The following IQSEC1 variants were observed in gnomAD, a reference collection of about 807,000 sequenced individuals.
IQSEC1 encodes IQ motif and Sec7 domain ArfGEF 1.
In IQSEC1, 31 loss-of-function variants were observed where a neutral mutation model predicts 91.0. That is an observed-to-expected ratio of 0.34 (90% CI 0.26 to 0.46). The LOEUF (loss-of-function observed/expected upper bound fraction) is 0.46. Ranked by LOEUF, IQSEC1 falls within the 20% of genes least tolerant of loss-of-function variation. IQSEC1 has a pLI of 1.00. For synonymous variants in IQSEC1, 699 were observed against 662.6 expected (o/e 1.05, Z -0.84); for missense variants, 1,388 against 1,575.6 (o/e 0.88, Z 2.02).
intron 2 of IQSEC1, among the ~76,000 whole-genome samples, chr3:13,155,682 C>T (rs1479117980): frequency 6.6e-6 from 1 of 152,134 alleles, no homozygotes; most frequent in Non-Finnish European, 1.5e-5. Context: ...AAACAACACA[C>T]TAATACCTCT....
intron 1 of IQSEC1, among the ~76,000 whole-genome samples, chr3:13,201,533 G>A (rs1379845289): frequency 6.6e-6 from 1 of 152,148 alleles, no homozygotes; most frequent in Non-Finnish European, 1.5e-5. Flanking sequence ...TGGTAGAGAT[G>A]AGGTCTTGCT....
chr3:12,980,712 G>A (rs952072107), intron 1 of IQSEC1, among the ~76,000 whole-genome samples: 4 of 152,116 alleles, frequency 2.6e-5, no homozygotes, highest in Non-Finnish European at 4.4e-5. Flanking sequence ...TCACTTCCTC[G>A]AGGCCCTTTC....
At chr3:13,001,923 G>A (rs1325997055) in intron 1 of IQSEC1, among the ~76,000 whole-genome samples, 1 of 152,140 alleles carries the variant, frequency 6.6e-6, no homozygotes, top group Non-Finnish European at 1.5e-5. Flanking sequence ...GCCAGGCGTG[G>A]TGGTGTGCAC....
chr3:13,077,569 C>T (rs1291240212), upstream of IQSEC1, among the ~76,000 whole-genome samples: 1 of 152,238 alleles, frequency 6.6e-6, no homozygotes, highest in Non-Finnish European at 1.5e-5. Context: ...GCTGAGTTCC[C>T]AAATCACAGG....
chr3:13,057,366 C>G (rs1481108390), intron 1 of IQSEC1, among the ~76,000 whole-genome samples: 1 of 152,214 alleles, frequency 6.6e-6, no homozygotes, highest in South Asian at 2.1e-4. Context: ...AATCTTGGCC[C>G]TGTAGACTTT....
At chr3:13,261,252 G>A (rs763835678) in intron 1 of IQSEC1, among the ~76,000 whole-genome samples, 1 of 152,124 alleles carries the variant, frequency 6.6e-6, no homozygotes, top group African/African-American at 2.4e-5. Flanking sequence ...CCAAGGTCAC[G>A]CCTCCCTCCC....
chr3:13,108,209 C>T (rs1311316276), intron 2 of IQSEC1, among the ~76,000 whole-genome samples: 1 of 152,232 alleles, frequency 6.6e-6, no homozygotes, highest in Non-Finnish European at 1.5e-5. Context: ...TCTTTCCCCT[C>T]ATTTTTTAAA....
intron 3 of IQSEC1, among the ~76,000 whole-genome samples, chr3:12,931,356 C>T (rs1025008234): frequency 9.2e-5 from 14 of 152,244 alleles, no homozygotes; most frequent in Non-Finnish European, 5.9e-5. Context: ...GCTACGGGAG[C>T]AGCACTGCAC....
chr3:12,955,987 G>A (rs986729914), intron 1 of IQSEC1, among the ~76,000 whole-genome samples: 3 of 152,172 alleles, frequency 2.0e-5, no homozygotes, highest in Non-Finnish European at 2.9e-5. Context: ...AAACTAGAAC[G>A]AATCACTAAC....
intron 1 of IQSEC1, among the ~76,000 whole-genome samples, chr3:13,204,551 C>T (rs1694306071): frequency 6.6e-6 from 1 of 152,244 alleles, no homozygotes; most frequent in Non-Finnish European, 1.5e-5. Context: ...TGCGCCTCAG[C>T]TGCCCCATCT....
intron 1 of IQSEC1, among the ~76,000 whole-genome samples, chr3:13,248,731 G>A (rs147569576): frequency 3.8e-4 from 50 of 132,266 alleles, no homozygotes; most frequent in Admixed American, 1.5e-3. Flanking sequence ...TAATCACGTC[G>A]TACAGACCAG....
intron 2 of IQSEC1, among the ~76,000 whole-genome samples, chr3:13,092,364 T>G (rs1559253278): frequency 6.6e-6 from 1 of 152,086 alleles, no homozygotes; most frequent in Non-Finnish European, 1.5e-5. Context: ...TGCAAAGTCC[T>G]GCAAAGAGAT....
intron 1 of IQSEC1, among the ~76,000 whole-genome samples, chr3:12,962,071 G>A (rs922800088): frequency 6.6e-6 from 1 of 152,236 alleles, no homozygotes; most frequent in African/African-American, 2.4e-5. Context: ...CCCAGGGAGG[G>A]ATGGGATGAG....
At position 12,940,038 on chromosome 3, in the gene IQSEC1, A is replaced by T. The variant is rs1364371629; in HGVS notation, c.318+1533T>A. On this transcript the variant is annotated intron_variant, in intron 2 of 13. Transcript: ENST00000613206. The surrounding 1 kb of genome is among the most constrained non-coding windows in gnomAD (Gnocchi z 4.4). ...GCTGCAGTCCTATTAGGCCCACAGTAAGCATATAATTCTCTTCAAAGGCCT... is the reference window on the plus strand; with the variant it reads ...GCTGCAGTCCTATTAGGCCCACAGTTAGCATATAATTCTCTTCAAAGGCCT... Among the ~76,000 whole-genome samples the T allele has an allele frequency of 6.6e-6, 1 of 152,172 alleles. No individual in the cohort carries two copies. The highest frequency in any genetic ancestry group is 2.4e-5 in the African/African-American group (1 of 41,450).
At position 12,983,289 on chromosome 3, in the gene IQSEC1, C is replaced by T. The variant is rs116147408; in HGVS notation, c.24-41424G>A. Among the ~76,000 whole-genome samples the T allele has an allele frequency of 1.5e-3, 235 of 152,330 alleles. 1 individual carries two copies. The highest frequency in any genetic ancestry group is 5.2e-3 in the African/African-American group (217 of 41,562). On this transcript the variant is annotated intron_variant, in intron 1 of 13. Transcript: ENST00000613206. This position sits in a 1 kb window ranked among gnomAD's most constrained non-coding sequence, Gnocchi z 4.3. ...GTGGCAAATTTAGATCAGATTAAAA[C>T]GACAGCTCAGGGCACAGCTGGTAGA...
At chr3:12,987,678 G>C (rs983791585) in intron 1 of IQSEC1, among the ~76,000 whole-genome samples, 2 of 152,146 alleles carry the variant, frequency 1.3e-5, no homozygotes, top group African/African-American at 4.8e-5. Flanking sequence ...AGGGAGAAGA[G>C]GTCTACAATG....
intron 1 of IQSEC1, among the ~76,000 whole-genome samples, chr3:13,051,357 T>A (rs1402329240): frequency 6.6e-6 from 1 of 152,186 alleles, no homozygotes; most frequent in Admixed American, 6.5e-5. Flanking sequence ...CTGGCACTGC[T>A]TCTAAACAGC....
chr3:13,125,320 C>T (rs184088961), intron 2 of IQSEC1, among the ~76,000 whole-genome samples: 48 of 152,344 alleles, frequency 3.2e-4, no homozygotes, highest in Admixed American at 2.9e-3. Context: ...AGAAACCTTC[C>T]CTGACCTCCC....
Position 12,909,341 on chromosome 3 carries a change from T to C in IQSEC1, c.2510A>G (p.Lys837Arg). The C allele has an allele frequency of 6.2e-7, 1 of 1,614,246 alleles. No homozygotes were observed. Among genetic ancestry groups the C allele is most frequent in the Non-Finnish European group, 8.5e-7 (1 of 1,180,042 alleles). Reference protein sequence around the residue: ...NFNAPNPQDRKKFTDDLRESI... With the variant: ...NFNAPNPQDRRKFTDDLRESI... ...CTCCCGCAGGTCATCGGTGAATTTCTTCCGGTCTTGAGGGTTGGGGGCGTT... is the reference window on the plus strand; with the variant it reads ...CTCCCGCAGGTCATCGGTGAATTTCCTCCGGTCTTGAGGGTTGGGGGCGTT... Residue 837 changes from lysine (K) to arginine (R), a missense_variant, in exon 11 of 14, where the codon AAG (lysine) becomes AGG (arginine). Around this residue, in one of 2 missense-constraint regions of IQSEC1, gnomAD observed 1,059 missense variants for 1,317.8 expected, o/e 0.80. Transcript: ENST00000613206. This position sits in a 1 kb window ranked among gnomAD's most constrained non-coding sequence, Gnocchi z 4.9.
Sources: allele counts gnomAD v4.1 joint callset (sites outside exome capture counted in the v4.1 genomes callset), GRCh38; gene constraint gnomAD v4.1.1; regional missense constraint gnomAD v4.1.1; non-coding constraint Gnocchi (gnomAD v3.1); transcripts MANE v1.5; gene names NCBI Gene and HGNC (gene_info 2026-07-23, HGNC 2026-07-21).